The following ATXN1 variants were observed in gnomAD, a reference collection of about 807,000 sequenced individuals.
The protein encoded by ATXN1 is ataxin 1, also known as ataxin-1.
In ATXN1, 8 loss-of-function variants were observed where a neutral mutation model predicts 56.4. The ratio of observed to expected loss-of-function variants is 0.14; its 90% confidence interval spans 0.08 to 0.26. The LOEUF is 0.26. Ranked by LOEUF, ATXN1 falls within the 10% of genes least tolerant of loss-of-function variation. The probability of loss-of-function intolerance (pLI) is 1.00; values close to 1 mark genes in which losing one functional copy is unlikely to be tolerated. For missense variants in ATXN1, 987 were observed against 1,106.5 expected, an observed-to-expected ratio of 0.89 and a Z score of 1.53; for synonymous variants, 514 against 494.6, an observed-to-expected ratio of 1.04 and a Z score of -0.52.
chr6:16,693,056 A>G (rs562176626), intron 2 of ATXN1, among the ~76,000 whole-genome samples: 1 of 152,290 alleles, frequency 6.6e-6, no homozygotes, highest in East Asian at 1.9e-4. Context: ...TGCATGCCCT[A>G]ACTTCTCTGT....
At chr6:16,695,530 G>A (rs1215463618) in intron 2 of ATXN1, among the ~76,000 whole-genome samples, 1 of 152,194 alleles carries the variant, frequency 6.6e-6, no homozygotes, top group African/African-American at 2.4e-5. Context: ...CACCAGGTGT[G>A]TGGGACAATT....
At chr6:16,521,910 G>A (rs1303258855) in intron 5 of ATXN1, among the ~76,000 whole-genome samples, 1 of 152,210 alleles carries the variant, frequency 6.6e-6, no homozygotes, top group Non-Finnish European at 1.5e-5. Flanking sequence ...AGCCAACTAG[G>A]ATTATGAGAA....
chr6:16,620,164 A>G (rs1763292519), intron 3 of ATXN1, among the ~76,000 whole-genome samples: 1 of 151,960 alleles, frequency 6.6e-6, no homozygotes, highest in Non-Finnish European at 1.5e-5. Flanking sequence ...CCTTGATCTT[A>G]TTTCTATGCT....
chr6:16,746,799 G>A (rs1760549584), intron 2 of ATXN1, among the ~76,000 whole-genome samples: 1 of 152,014 alleles, frequency 6.6e-6, no homozygotes, highest in Non-Finnish European at 1.5e-5. Context: ...TCAAACAACA[G>A]CAAATGATGT....
intron 2 of ATXN1, among the ~76,000 whole-genome samples, chr6:16,747,229 G>C (rs1403245817): frequency 1.3e-5 from 2 of 152,098 alleles, no homozygotes; most frequent in Non-Finnish European, 2.9e-5. Flanking sequence ...TGTTTAATCT[G>C]GTATTGAGTG....
Position 16,684,994 on chromosome 6 carries a change from T to C in ATXN1, c.-614-27093A>G, listed in dbSNP as rs566744669. Among the ~76,000 whole-genome samples the C allele has an allele frequency of 5.3e-5, 8 of 151,968 alleles. No homozygotes were observed. The East Asian group carries it at 1.5e-3, about 29-fold the overall frequency. On this transcript the variant is annotated intron_variant, in intron 2 of 7. Coordinates refer to ENST00000436367, the MANE Select transcript of ATXN1 (RefSeq NM_001128164.2). ...ACAACGAAAGAAATGGTCAATGAAC[T>C]AACATATTTGTTAACTTCTACAGAC... is the stretch of plus-strand genomic sequence containing the variant.
intron 2 of ATXN1, among the ~76,000 whole-genome samples, chr6:16,693,526 G>T (rs1759093908): frequency 6.6e-6 from 1 of 152,130 alleles, no homozygotes; most frequent in Non-Finnish European, 1.5e-5. Flanking sequence ...TCCTGCCTGA[G>T]AATTTAATAC....
chr6:16,542,399 G>A (rs928216823), intron 4 of ATXN1, among the ~76,000 whole-genome samples: 2 of 152,186 alleles, frequency 1.3e-5, no homozygotes, highest in African/African-American at 2.4e-5. Flanking sequence ...ATTAAGAGAC[G>A]TGCTGCTGCA....
chr6:16,595,482 C>T (rs1274940575), intron 3 of ATXN1, among the ~76,000 whole-genome samples: 5 of 152,208 alleles, frequency 3.3e-5, no homozygotes, highest in Non-Finnish European at 5.9e-5. Flanking sequence ...TGGTACTGTT[C>T]AAATGTTAAG....
At chr6:16,539,788 A>G (rs1217587463) in intron 4 of ATXN1, among the ~76,000 whole-genome samples, 1 of 152,182 alleles carries the variant, frequency 6.6e-6, no homozygotes. Flanking sequence ...TCACCGATCA[A>G]TACAGGACAC....
chr6:16,657,657 C>T (rs946897003), intron 3 of ATXN1, 119 bp downstream of exon 3: 2 of 152,140 alleles, frequency 1.3e-5, no homozygotes, highest in Non-Finnish European at 2.9e-5. Flanking sequence ...TTCAAATGTC[C>T]TGTTATTTAG....
chr6:16,619,827 G>C (rs1763285531), intron 3 of ATXN1, among the ~76,000 whole-genome samples: 1 of 151,058 alleles, frequency 6.6e-6, no homozygotes, highest in Admixed American at 6.6e-5. Flanking sequence ...AGGATCGCTT[G>C]AGCCCAGGAG....
intron 6 of ATXN1, among the ~76,000 whole-genome samples, chr6:16,347,639 G>A (rs951976523): frequency 1.3e-5 from 2 of 152,240 alleles, no homozygotes; most frequent in Admixed American, 1.3e-4. Flanking sequence ...GGGACTTGGA[G>A]AACCTTTGTG....
chr6:16,726,048 C>T (rs539743044), intron 2 of ATXN1, among the ~76,000 whole-genome samples: 1 of 152,254 alleles, frequency 6.6e-6, no homozygotes, highest in Admixed American at 6.5e-5. Context: ...TAAGATGAAG[C>T]CCTAGAAAGT....
intron 7 of ATXN1, among the ~76,000 whole-genome samples, chr6:16,312,472 A>G (rs1464284925): frequency 1.3e-5 from 2 of 152,098 alleles, no homozygotes; most frequent in Non-Finnish European, 2.9e-5. Context: ...GAGATAATAT[A>G]CACAAACAAC....
intron 7 of ATXN1, among the ~76,000 whole-genome samples, chr6:16,307,497 C>T (rs889672299): frequency 1.3e-5 from 2 of 151,396 alleles, no homozygotes; most frequent in South Asian, 2.1e-4. Flanking sequence ...GGGGAAACCC[C>T]GTCTCCACTA....
At chr6:16,430,433 G>C (rs747198374) in intron 6 of ATXN1, among the ~76,000 whole-genome samples, 9 of 152,054 alleles carry the variant, frequency 5.9e-5, no homozygotes, top group Non-Finnish European at 1.2e-4. Flanking sequence ...CAGTTATTAT[G>C]AGTAATTAGC....
At chr6:16,530,552 C>T (rs924553529) in intron 4 of ATXN1, among the ~76,000 whole-genome samples, 14 of 152,116 alleles carry the variant, frequency 9.2e-5, no homozygotes, top group Admixed American at 2.6e-4. Flanking sequence ...CTGTACAAAA[C>T]GACTACCCCA....
At position 16,363,320 on chromosome 6, in the gene ATXN1, A is replaced by G. The variant is rs1188953482; in HGVS notation, c.-160-34850T>C. ...TAGGTGCATGCTAAGTATGTGTTAC[A>G]TAAATTAATTCCATGATGTGCCATA... On this transcript the variant is annotated intron_variant, in intron 6 of 7. Transcript: ENST00000436367. Among the ~76,000 whole-genome samples, 3 of 152,360 alleles carry G rather than the reference A, an allele frequency of 2.0e-5. No homozygotes were observed. The East Asian group carries it at 5.8e-4, about 29-fold the overall frequency.
Sources: gnomAD v4.1 joint callset for allele counts (sites outside exome capture counted in the v4.1 genomes callset) on GRCh38, gnomAD v4.1.1 for gene constraint, MANE v1.5 for transcripts, NCBI Gene and HGNC (gene_info 2026-07-23, HGNC 2026-07-21) for gene names.